INTS6: variants seen among roughly 807,000 people sequenced by gnomAD.
INTS6 encodes the protein DEAD box protein.
Under a neutral mutation model 104.9 loss-of-function variants are expected in INTS6, and 16 were observed. The ratio of observed to expected loss-of-function variants is 0.15; its 90% CI spans 0.10 to 0.23. The LOEUF (loss-of-function observed/expected upper bound fraction) is 0.23, where lower values mean the gene tolerates loss of function less well. INTS6 is among the 10% of genes least tolerant of loss of function. The pLI, the probability that INTS6 is intolerant of heterozygous loss-of-function variation, is 1.00. For missense variants in INTS6, 584 were observed against 1,062.8 expected, an observed-to-expected ratio of 0.55 and a Z score of 6.26; for synonymous variants, 324 against 358.7, an observed-to-expected ratio of 0.90 and a Z score of 1.09.
intron 4 of INTS6, among the ~76,000 whole-genome samples, chr13:51,406,085 T>C (rs1027080571): frequency 6.6e-6 from 1 of 152,118 alleles, no homozygotes; most frequent in African/African-American, 2.4e-5. Flanking sequence ...CTGCCTTCCA[T>C]CCTCACCCCT....
intron 3 of INTS6, among the ~76,000 whole-genome samples, chr13:51,355,430 C>T (rs1955466642): frequency 6.6e-6 from 1 of 152,158 alleles, no homozygotes; most frequent in Non-Finnish European, 1.5e-5. Flanking sequence ...ACCGTCATGA[C>T]TAGGAGTGTA....
At chr13:51,377,432 AT>A (rs2137898031) in intron 12 of INTS6, among the ~76,000 whole-genome samples, 1 of 152,178 alleles carries the variant, frequency 6.6e-6, no homozygotes, top group South Asian at 2.1e-4. Flanking sequence ...CATCACAAAG[AT>A]TTTTTCCTAT....
intron 3 of INTS6, chr13:51,441,593 T>C (rs1002252567): frequency 2.0e-5 from 3 of 152,148 alleles, no homozygotes; most frequent in African/African-American, 7.2e-5. Context: ...AAAAAAGTTA[T>C]AAATGTAACC....
chr13:51,375,271 G>A (rs1955896666), intron 13 of INTS6, among the ~76,000 whole-genome samples: 1 of 150,234 alleles, frequency 6.7e-6, no homozygotes, highest in African/African-American at 2.5e-5. Flanking sequence ...AGAATCGCTT[G>A]AACCCAGGAT....
chr13:51,353,126 C>A (rs1006773796), downstream of INTS6, among the ~76,000 whole-genome samples: 1 of 152,068 alleles, frequency 6.6e-6, no homozygotes, highest in African/African-American at 2.4e-5. Context: ...TGTAGCATTT[C>A]TGCTGGATCT....
chr13:51,384,706 C>T (rs1422968977), intron 7 of INTS6: 1 of 456,648 alleles, frequency 2.2e-6, no homozygotes, highest in Admixed American at 2.3e-5. Flanking sequence ...GTCACAAAGA[C>T]CTGGATAAAC....
At chr13:51,404,103 C>CACACACACACACACACACACACACAG (rs1491389220) in intron 4 of INTS6, among the ~76,000 whole-genome samples, 1 of 103,954 alleles carries the variant, frequency 9.6e-6, no homozygotes, top group Non-Finnish European at 2.0e-5. Flanking sequence ...CACACACACA[C>CACACACACACACACACACACACACAG]AGAGAGAGAG....
chr13:51,337,445 G>T, the INTS6 span, among the ~76,000 whole-genome samples: 1 of 152,180 alleles, frequency 6.6e-6, no homozygotes, highest in Non-Finnish European at 1.5e-5. Flanking sequence ...GGTAAATGTG[G>T]GCAAAGTGAA....
At chr13:51,425,966 C>T (rs948053444) in intron 4 of INTS6, among the ~76,000 whole-genome samples, 1 of 151,660 alleles carries the variant, frequency 6.6e-6, no homozygotes, top group African/African-American at 2.4e-5. Flanking sequence ...CAAATAGCTG[C>T]ATTAAAAAAA....
chr13:51,451,475 G>C (rs1593788701), intron 2 of INTS6: 1 of 177,680 alleles, frequency 5.6e-6, no homozygotes, highest in South Asian at 1.9e-4. Flanking sequence ...AAGCAGATGG[G>C]AGCCGGACTT....
chr13:51,369,417 C>A, intron 15 of INTS6, 107 bp from the exon 16 acceptor site: 3 of 1,121,632 alleles, frequency 2.7e-6, no homozygotes, highest in Non-Finnish European at 3.8e-6. Context: ...TTTTCCTTGA[C>A]TAATGCAAGT....
chr13:51,425,778 C>T (rs1368252712), intron 4 of INTS6, among the ~76,000 whole-genome samples: 2 of 151,984 alleles, frequency 1.3e-5, no homozygotes, highest in African/African-American at 4.8e-5. Context: ...TCTACCAAAA[C>T]ATTTGATATA....
At chr13:51,398,928 A>G (rs994123676) in intron 4 of INTS6, among the ~76,000 whole-genome samples, 2 of 152,190 alleles carry the variant, frequency 1.3e-5, no homozygotes, top group African/African-American at 4.8e-5. Flanking sequence ...TATAACATAC[A>G]TACATATAAG....
rs535957514 is a variant in INTS6, at chr13:51,377,835, C to G, written c.1602+404G>C. 3.9e-5 allele frequency among the ~76,000 whole-genome samples: 6 copies of G among 152,140 alleles called. No individual in the cohort carries two copies. The South Asian group carries it at 8.3e-4, about 21-fold the overall frequency. ...CATATAAATTTTAGAATCAGCTTGCCTATTTCTACAAAAAGGCTGCTGGGA... is the reference window on the plus strand; with the variant it reads ...CATATAAATTTTAGAATCAGCTTGCGTATTTCTACAAAAAGGCTGCTGGGA... On this transcript the variant is annotated intron_variant, in intron 12 of 17. Transcript: ENST00000311234.
intron 4 of INTS6, chr13:51,422,993 A>G: frequency 9.1e-7 from 1 of 1,101,670 alleles, no homozygotes; most frequent in South Asian, 1.4e-5. Flanking sequence ...CTGCCATGAG[A>G]TTTATCTTAA....
chr13:51,415,710 TGGA>T (rs1437215721), intron 4 of INTS6, among the ~76,000 whole-genome samples: 1 of 152,090 alleles, frequency 6.6e-6, no homozygotes, highest in Admixed American at 6.6e-5. Context: ...AGCATGAAAA[TGGA>T]GTAGTAGAGT....
chr13:51,341,814 CA>C, the INTS6 span, among the ~76,000 whole-genome samples: 17 of 152,150 alleles, frequency 1.1e-4, no homozygotes, highest in Non-Finnish European at 2.4e-4. Context: ...AGCAAATAGG[CA>C]TGGAGAGTTG....
chr13:51,355,965 C>T (rs1432996404), intron 3 of INTS6, among the ~76,000 whole-genome samples: 1 of 152,136 alleles, frequency 6.6e-6, no homozygotes, highest in African/African-American at 2.4e-5. Context: ...AATTCTAGAA[C>T]ATCATAATGT....
chr13:51,451,896 G>A (rs1031240040), intron 2 of INTS6, 82 bp downstream of exon 2: 1 of 953,084 alleles, frequency 1.0e-6, no homozygotes, highest in South Asian at 1.4e-5. Context: ...GCATAATGAA[G>A]GGTGAATGGG....
Sources: gnomAD v4.1 joint callset for allele counts (sites outside exome capture counted in the v4.1 genomes callset) on GRCh38, gnomAD v4.1.1 for gene constraint, MANE v1.5 for transcripts, NCBI Gene and HGNC (gene_info 2026-07-23, HGNC 2026-07-21) for gene names.